Variants in DGKI observed in about 807,000 individuals in gnomAD.
DGKI encodes DAG kinase iota.
A neutral mutation model predicts 147.5 loss-of-function variants in DGKI; 55 were observed. That is an observed-to-expected ratio of 0.37 (90% CI 0.30 to 0.47). DGKI has a LOEUF of 0.47. DGKI is among the 20% of genes least tolerant of loss of function. The pLI, the probability that DGKI is intolerant of heterozygous loss-of-function variation, is 1.00. For synonymous variants in DGKI, 469 were observed against 477.1 expected, an observed-to-expected ratio of 0.98 and a Z score of 0.22; for missense variants, 1,007 against 1,323.8, an observed-to-expected ratio of 0.76 and a Z score of 3.71.
intron 1 of DGKI, among the ~76,000 whole-genome samples, chr7:137,834,263 T>G (rs1330384267): frequency 6.6e-6 from 1 of 152,220 alleles, no homozygotes; most frequent in South Asian, 2.1e-4. Flanking sequence ...ATGTTTTAGA[T>G]CTCTCCTCCC....
intron 21 of DGKI, among the ~76,000 whole-genome samples, chr7:137,517,279 A>G (rs868654202): frequency 9.5e-4 from 76 of 79,780 alleles, no homozygotes; most frequent in South Asian, 1.0e-3. Flanking sequence ...AAAGAAAAGA[A>G]AAAGAAAGAA....
intron 32 of DGKI, among the ~76,000 whole-genome samples, chr7:137,394,680 C>A (rs950721545): frequency 6.6e-6 from 1 of 152,134 alleles, no homozygotes; most frequent in Non-Finnish European, 1.5e-5. Context: ...GGCCTCACTG[C>A]CCTCTTATTA....
At position 137,387,141 on chromosome 7, in the gene DGKI, C is replaced by T. The variant is rs180875477; in HGVS notation, c.*4079G>A. On this transcript the variant is annotated 3_prime_UTR_variant, in exon 33 of 33. Transcript: ENST00000614521. The stretch of plus-strand genomic sequence containing the variant: ...GCCCTAATTAAATATCACTAGGCAA[C>T]CTACTGAGTGTTAGTGTTACAAACA... The T allele has an allele frequency of 2.6e-4, 40 of 152,238 alleles. No individual in the cohort carries two copies. Among genetic ancestry groups the T allele is most frequent in the African/African-American group, 9.1e-4 (38 of 41,554 alleles). The allele number at this position is 152,238 out of a possible 1,614,324, so 9.4% of individuals were successfully genotyped here.
At chr7:137,653,274 T>C (rs1420741446) in intron 5 of DGKI, among the ~76,000 whole-genome samples, 1 of 152,248 alleles carries the variant, frequency 6.6e-6, no homozygotes, top group Admixed American at 6.5e-5. Flanking sequence ...TTATTCTTAG[T>C]TCACGTCACC....
At chr7:137,517,469 A>G (rs2094945497) in intron 21 of DGKI, among the ~76,000 whole-genome samples, 1 of 152,072 alleles carries the variant, frequency 6.6e-6, no homozygotes, top group South Asian at 2.1e-4. Flanking sequence ...ACAGATCAGA[A>G]GAGACTAGGG....
intron 3 of DGKI, among the ~76,000 whole-genome samples, chr7:137,661,550 A>G (rs1196781243): frequency 6.6e-6 from 1 of 151,864 alleles, no homozygotes; most frequent in Non-Finnish European, 1.5e-5. Flanking sequence ...GGCCAGGCCT[A>G]CCCCCAGCTG....
intron 6 of DGKI, among the ~76,000 whole-genome samples, chr7:137,629,318 A>T (rs1821050063): frequency 6.6e-6 from 1 of 152,244 alleles, no homozygotes; most frequent in African/African-American, 2.4e-5. Flanking sequence ...CTAGCAAAAT[A>T]AGATGAAAAT....
At chr7:137,650,555 C>T (rs905118455) in intron 5 of DGKI, among the ~76,000 whole-genome samples, 1 of 152,102 alleles carries the variant, frequency 6.6e-6, no homozygotes, top group East Asian at 1.9e-4. Context: ...GAAAGGTGAT[C>T]AAGTAATGAG....
intron 32 of DGKI, among the ~76,000 whole-genome samples, chr7:137,392,971 A>T (rs1172572027): frequency 6.6e-5 from 10 of 152,212 alleles, no homozygotes; most frequent in Non-Finnish European, 1.2e-4. Flanking sequence ...ATATTATTTC[A>T]TGTGGTAAGA....
intron 28 of DGKI, among the ~76,000 whole-genome samples, chr7:137,414,933 A>C (rs550812846): frequency 2.0e-5 from 3 of 152,332 alleles, no homozygotes; most frequent in African/African-American, 7.2e-5. Context: ...TAAAATTTTT[A>C]AAGTGTTTTA....
At chr7:137,750,971 C>A (rs11974293) in intron 1 of DGKI, among the ~76,000 whole-genome samples, 42,165 of 151,844 alleles carry the variant, frequency 0.28, 5,847 homozygotes, top group South Asian at 0.29. Context: ...TCTCGGCCCC[C>A]GTCTTTTCAG....
At chr7:137,530,953 G>A (rs1054648340) in intron 20 of DGKI, among the ~76,000 whole-genome samples, 2 of 152,046 alleles carry the variant, frequency 1.3e-5, no homozygotes, top group African/African-American at 4.8e-5. Context: ...TAAGTCTTAC[G>A]AAGATGCCGT....
At chr7:137,462,337 G>A (rs1814476645) in intron 27 of DGKI, among the ~76,000 whole-genome samples, 1 of 152,086 alleles carries the variant, frequency 6.6e-6, no homozygotes, top group African/African-American at 2.4e-5. Context: ...TGAATTATAA[G>A]CAATCAAAAT....
chr7:137,747,241 T>TA (rs35469794), intron 1 of DGKI, among the ~76,000 whole-genome samples: 1 of 152,160 alleles, frequency 6.6e-6, no homozygotes, highest in Non-Finnish European at 1.5e-5. Flanking sequence ...CCTAAGCACC[T>TA]AAAAAGTTTA....
At chr7:137,759,626 G>A (rs190213202) in intron 1 of DGKI, among the ~76,000 whole-genome samples, 1 of 152,312 alleles carries the variant, frequency 6.6e-6, no homozygotes, top group East Asian at 1.9e-4. Flanking sequence ...ACAGGCGTAA[G>A]CCACCATGCC....
At position 137,389,335 on chromosome 7, in the gene DGKI, T is replaced by C. The variant is rs1419959821; in HGVS notation, c.*1885A>G. 1 of 152,160 alleles carries C rather than the reference T, an allele frequency of 6.6e-6. No homozygotes were observed. Among genetic ancestry groups the C allele is most frequent in the Non-Finnish European group, 1.5e-5 (1 of 68,034 alleles). The allele number at this position is 152,160 out of a possible 1,614,324, so 9.4% of individuals were successfully genotyped here. A position where few individuals can be genotyped will look rare whatever the true frequency, so the allele number is the denominator to read the frequency against. On this transcript the variant is annotated 3_prime_UTR_variant, in exon 33 of 33. Transcript: ENST00000614521. ...CCATCCTCCCACCAACAATTTGATT[T>C]TGAAATGACTATGGAAAGACTGTGG...
intron 30 of DGKI, among the ~76,000 whole-genome samples, chr7:137,406,595 G>A (rs1419526278): frequency 1.3e-5 from 2 of 152,122 alleles, no homozygotes; most frequent in Admixed American, 1.3e-4. Flanking sequence ...GGTGTCTAAC[G>A]TGATTGATAG....
chr7:137,415,412 T>C (rs1812322663), intron 28 of DGKI, among the ~76,000 whole-genome samples: 1 of 152,220 alleles, frequency 6.6e-6, no homozygotes, highest in African/African-American at 2.4e-5. Flanking sequence ...GCAAAGGCTA[T>C]ATGCAAATAC....
chr7:137,520,642 G>C (rs1816929591), intron 21 of DGKI, among the ~76,000 whole-genome samples: 1 of 151,948 alleles, frequency 6.6e-6, no homozygotes, highest in African/African-American at 2.4e-5. Context: ...AACATAAAGG[G>C]TTTAGGAAGC....
Sources: allele counts gnomAD v4.1 joint callset (sites outside exome capture counted in the v4.1 genomes callset), GRCh38; gene constraint gnomAD v4.1.1; transcripts MANE v1.5; gene names NCBI Gene and HGNC (gene_info 2026-07-23, HGNC 2026-07-21).